Variants in ACOT13 observed in about 807,000 individuals in gnomAD.
The protein encoded by ACOT13 is acyl-CoA thioesterase 13.
In ACOT13, 10 loss-of-function variants were observed where a neutral mutation model predicts 11.8. The observed-to-expected ratio is 0.85, with a 90% confidence interval of 0.53 to 1.44. The LOEUF is 1.44. ACOT13 is among the 40% of genes most tolerant of loss of function. The pLI, the probability that ACOT13 is intolerant of heterozygous loss-of-function variation, is 0.00. For missense variants in ACOT13, 172 were observed against 174.1 expected, an observed-to-expected ratio of 0.99 and a Z score of 0.07; for synonymous variants, 53 against 61.0, an observed-to-expected ratio of 0.87 and a Z score of 0.61.
chr6:24,673,931 T>C (rs970551359), intron 1 of ACOT13, among the ~76,000 whole-genome samples: 4 of 152,236 alleles, frequency 2.6e-5, no homozygotes, highest in African/African-American at 9.6e-5. Context: ...TGTAAAATTA[T>C]TTCTAAGCTT....
intron 1 of ACOT13, among the ~76,000 whole-genome samples, chr6:24,685,399 T>C (rs936167513): frequency 6.8e-6 from 1 of 146,766 alleles, no homozygotes; most frequent in African/African-American, 2.5e-5. Context: ...CAGGCTGGAG[T>C]GCAGTGGTGC....
At chr6:24,699,248 G>C (rs921591109) in intron 2 of ACOT13, among the ~76,000 whole-genome samples, 4 of 138,640 alleles carry the variant, frequency 2.9e-5, no homozygotes, top group East Asian at 2.2e-4. Context: ...CTCGCTTTGT[G>C]GCCCAGGCTG....
Position 24,703,013 on chromosome 6 carries a change from A to T in ACOT13, c.*1398A>T, listed in dbSNP as rs774612551. ...GACATTCTTCCACCTCAGTCTCCTG[A>T]GTAGCTGGAACTACAGGCGTGTGCC... On this transcript the variant is annotated 3_prime_UTR_variant, in exon 3 of 3. Transcript: ENST00000230048. 6.6e-6 allele frequency: 1 copy of T among 152,252 alleles called. No homozygotes were observed. Among genetic ancestry groups the T allele is most frequent in the Non-Finnish European group, 1.5e-5 (1 of 68,080 alleles). 9.4% of individuals were successfully genotyped at this position (152,252 alleles called of 1,614,324 possible).
At chr6:24,694,447 A>T (rs1268753460) in intron 1 of ACOT13, among the ~76,000 whole-genome samples, 1 of 152,236 alleles carries the variant, frequency 6.6e-6, no homozygotes, top group Admixed American at 6.5e-5. Flanking sequence ...AATGGAGACA[A>T]TAGTATTCAC....
chr6:24,680,786 C>T (rs867615471), intron 1 of ACOT13, among the ~76,000 whole-genome samples: 13 of 152,150 alleles, frequency 8.5e-5, no homozygotes, highest in South Asian at 4.1e-4. Flanking sequence ...TATGCAAATT[C>T]GTTTCAGAGA....
At position 24,698,181 on chromosome 6, in the gene ACOT13, CCTT is replaced by C. The variant is rs1370391794; in HGVS notation, c.266+115_266+117del. ...ATGAGATTCAATTAGCTGCTTATCTCCTTAACTGCACCTATAGATTTTGTCCTA... is the reference window on the plus strand; with the variant it reads ...ATGAGATTCAATTAGCTGCTTATCTCAACTGCACCTATAGATTTTGTCCTA... On this transcript the variant is annotated intron_variant, in intron 2 of 2. Coordinates refer to ENST00000230048, the MANE Select transcript of ACOT13 (RefSeq NM_018473.4). 104 of 927,990 alleles carry C rather than the reference CCTT, an allele frequency of 1.1e-4. 1 individual carries two copies. The highest frequency in any genetic ancestry group is 8.8e-4 in the African/African-American group (51 of 58,274). The allele number at this position is 927,990 out of a possible 1,614,324, so 57.5% of individuals were successfully genotyped here.
At chr6:24,677,360 G>A (rs9393579) in intron 1 of ACOT13, among the ~76,000 whole-genome samples, 59,836 of 152,074 alleles carry the variant, frequency 0.39, 12,795 homozygotes, top group Non-Finnish European at 0.5. Context: ...ACAGCCACAA[G>A]TCTCCTTTAG....
chr6:24,676,518 C>T (rs1778457315), intron 1 of ACOT13, among the ~76,000 whole-genome samples: 1 of 152,014 alleles, frequency 6.6e-6, no homozygotes, highest in Non-Finnish European at 1.5e-5. Context: ...CATGATTTGG[C>T]TGTTTGTCTG....
At chr6:24,685,741 C>T (rs1179485583) in intron 1 of ACOT13, among the ~76,000 whole-genome samples, 1 of 152,162 alleles carries the variant, frequency 6.6e-6, no homozygotes, top group African/African-American at 2.4e-5. Flanking sequence ...AGTCTGGAGA[C>T]ATTTTTGAGG....
At chr6:24,674,567 C>CA (rs1778415244) in intron 1 of ACOT13, among the ~76,000 whole-genome samples, 1 of 151,950 alleles carries the variant, frequency 6.6e-6, no homozygotes, top group East Asian at 1.9e-4. Flanking sequence ...TGCCACCACG[C>CA]CTGGCTAATT....
At chr6:24,687,900 TG>T (rs1778658630) in intron 1 of ACOT13, among the ~76,000 whole-genome samples, 1 of 151,644 alleles carries the variant, frequency 6.6e-6, no homozygotes, top group Non-Finnish European at 1.5e-5. Flanking sequence ...TTAGCAGAGA[TG>T]GGGGTTTCAC....
intron 1 of ACOT13, among the ~76,000 whole-genome samples, chr6:24,696,116 C>G (rs1481577569): frequency 1.3e-5 from 2 of 152,098 alleles, no homozygotes; most frequent in Non-Finnish European, 2.9e-5. Flanking sequence ...AAATCCTGTT[C>G]TAAAATTTAT....
chr6:24,690,232 C>T (rs1381657308), intron 1 of ACOT13, among the ~76,000 whole-genome samples: 1 of 152,158 alleles, frequency 6.6e-6, no homozygotes, highest in Non-Finnish European at 1.5e-5. Flanking sequence ...TACTAGATTC[C>T]AAACTGAAGC....
intron 1 of ACOT13, among the ~76,000 whole-genome samples, chr6:24,692,823 G>C (rs1778738393): frequency 6.6e-6 from 1 of 152,198 alleles, no homozygotes; most frequent in Non-Finnish European, 1.5e-5. Context: ...TCTTGCCTAA[G>C]TCTGCTTCCA....
chr6:24,675,705 C>T (rs1778442511), intron 1 of ACOT13, among the ~76,000 whole-genome samples: 1 of 152,156 alleles, frequency 6.6e-6, no homozygotes, highest in Non-Finnish European at 1.5e-5. Context: ...ATGGTAGTTT[C>T]TTTTGCTGTG....
At chr6:24,672,666 T>G (rs531973228) in intron 1 of ACOT13, among the ~76,000 whole-genome samples, 67 of 152,064 alleles carry the variant, frequency 4.4e-4, no homozygotes, top group Non-Finnish European at 5.7e-4. Flanking sequence ...ACAAAAGATA[T>G]AACTTCCATA....
At chr6:24,684,219 T>C (rs1264756172) in intron 1 of ACOT13, among the ~76,000 whole-genome samples, 1 of 152,212 alleles carries the variant, frequency 6.6e-6, no homozygotes, top group Non-Finnish European at 1.5e-5. Flanking sequence ...ATACATTTAA[T>C]GTTTTCAAAT....
chr6:24,667,312 A>T lies in ACOT13; in HGVS notation c.49A>T (p.Lys17Ter). ...GCGGGAGGTGATAAAGGCCATGACC[A>T]AGGCTCGCAATTTTGAGAGAGTTTT... ...SLREVIKAMT[K>*]ARNFERVLGK... The change falls in exon 1 of 3, where the codon AAG becomes TAG. Residue 17 changes from lysine to a stop codon, truncating the protein, a stop_gained. Coordinates refer to ENST00000230048, the MANE Select transcript of ACOT13 (RefSeq NM_018473.4). LOFTEE classifies it high-confidence loss of function. 6.2e-7 allele frequency: 1 copy of T among 1,614,198 alleles called. No individual in the cohort carries two copies.
intron 1 of ACOT13, among the ~76,000 whole-genome samples, chr6:24,691,138 T>C (rs984473936): frequency 1.3e-5 from 2 of 152,200 alleles, no homozygotes; most frequent in Non-Finnish European, 2.9e-5. Flanking sequence ...TAGAAGATTC[T>C]CCCCATAGTT....
Sources: allele counts gnomAD v4.1 joint callset (sites outside exome capture counted in the v4.1 genomes callset), GRCh38; gene constraint gnomAD v4.1.1; transcripts MANE v1.5; gene names NCBI Gene and HGNC (gene_info 2026-07-23, HGNC 2026-07-21).